IQCE: variants seen among roughly 807,000 people sequenced by gnomAD.
IQCE encodes the protein IQ domain-containing protein E.
In IQCE, 115 loss-of-function variants were observed where a neutral mutation model predicts 96.0. The observed-to-expected ratio is 1.20, with a 90% CI of 1.03 to 1.40. The LOEUF (loss-of-function observed/expected upper bound fraction) is 1.40, where lower values mean the gene tolerates loss of function less well. IQCE is among the 40% of genes most tolerant of loss of function. The pLI, the probability that IQCE is intolerant of heterozygous loss-of-function variation, is 0.00. For missense variants in IQCE, 1,041 were observed against 909.1 expected (o/e 1.15, Z -1.87); for synonymous variants, 412 against 371.2 (o/e 1.11, Z -1.26).
intron 6 of IQCE, 58 bp downstream of exon 6, chr7:2,573,546 G>A: frequency 1.1e-6 from 1 of 943,612 alleles, no homozygotes; most frequent in African/African-American, 1.6e-5. Flanking sequence ...CTATAACAAT[G>A]TATTAGAACA....
intron 18 of IQCE, 63 bp from the exon 19 acceptor site, chr7:2,604,818 C>G: frequency 8.3e-7 from 1 of 1,211,160 alleles, no homozygotes. Context: ...GCGCCTCCCT[C>G]TCGCCCGCCG....
Position 2,578,147 on chromosome 7 carries a change from G to A in IQCE, c.466-95G>A, listed in dbSNP as rs558447177. The A allele has an allele frequency of 2.2e-5, 20 of 918,968 alleles. No homozygotes were observed. In the South Asian group the frequency reaches 2.3e-4, roughly 11 times the overall value. 56.9% of individuals were successfully genotyped at this position (918,968 alleles called of 1,614,324 possible). On this transcript the variant is annotated intron_variant, in intron 6 of 21. Transcript: ENST00000402050. ...GTGGGGACGTGTGTGCGGCGTGCCC[G>A]CATTGGCGTGTGCGTGGCTGTGTGC...
intron 3 of IQCE, 102 bp downstream of exon 3, chr7:2,569,101 G>C: frequency 2.6e-6 from 3 of 1,132,134 alleles, no homozygotes; most frequent in South Asian, 2.6e-5. Context: ...GCTGAGACCT[G>C]ACGCCTCAGC....
intron 20 of IQCE, 149 bp downstream of exon 20, chr7:2,606,146 T>A: frequency 9.9e-7 from 1 of 1,013,976 alleles, no homozygotes; most frequent in Non-Finnish European, 1.4e-6. Context: ...GGAGCCAGAG[T>A]AAAGGCTTCA....
chr7:2,585,364 C>T (rs1783015333), intron 11 of IQCE, among the ~76,000 whole-genome samples: 1 of 152,206 alleles, frequency 6.6e-6, no homozygotes, highest in Admixed American at 6.5e-5. Context: ...ATCAGCTAGT[C>T]AATGTATAAC....
chr7:2,566,902 G>A (rs1034050908), intron 1 of IQCE, among the ~76,000 whole-genome samples: 15 of 152,224 alleles, frequency 9.9e-5, no homozygotes, highest in Admixed American at 2.0e-4. Context: ...GCTGGGCGGC[G>A]TTTTGTGTTT....
intron 1 of IQCE, among the ~76,000 whole-genome samples, chr7:2,560,101 A>G (rs1298168061): frequency 1.3e-5 from 2 of 152,168 alleles, no homozygotes; most frequent in South Asian, 2.1e-4. Flanking sequence ...TGGAAGCTAC[A>G]GTGAACTGTG....
intron 16 of IQCE, 97 bp from the exon 17 acceptor site, chr7:2,598,368 C>T (rs1784202652): frequency 1.6e-6 from 2 of 1,240,778 alleles, no homozygotes; most frequent in Admixed American, 4.9e-5. Context: ...CTGATAAGCG[C>T]AGCCGCACCA....
intron 1 of IQCE, among the ~76,000 whole-genome samples, chr7:2,563,996 T>C (rs1259719542): frequency 1.3e-5 from 2 of 148,524 alleles, no homozygotes; most frequent in African/African-American, 5.0e-5. Context: ...GATCATGAGG[T>C]CAGGAGTTCA....
intron 1 of IQCE, among the ~76,000 whole-genome samples, chr7:2,560,703 A>G (rs1397704898): frequency 6.6e-6 from 1 of 151,972 alleles, no homozygotes. Flanking sequence ...CATGCCTGTA[A>G]TCCCAGCACT....
chr7:2,571,448 T>C (rs1204497969), intron 3 of IQCE, 78 bp from the exon 4 acceptor site: 1 of 1,574,322 alleles, frequency 6.4e-7, no homozygotes, highest in Non-Finnish European at 8.6e-7. Flanking sequence ...TTTTCCTATT[T>C]CTGTCTTTCT....
chr7:2,584,023 C>T (rs1476730752), intron 10 of IQCE, among the ~76,000 whole-genome samples: 2 of 151,468 alleles, frequency 1.3e-5, no homozygotes, highest in Non-Finnish European at 2.9e-5. Flanking sequence ...AGGGGACCGG[C>T]GCTGGCCCCG....
intron 6 of IQCE, among the ~76,000 whole-genome samples, chr7:2,574,800 G>A (rs545472709): frequency 5.3e-5 from 8 of 152,242 alleles, no homozygotes; most frequent in South Asian, 4.1e-4. Flanking sequence ...CGTGAAGATC[G>A]GGTAGCTTCA....
chr7:2,579,700 G>GGT (rs68086038), intron 8 of IQCE, among the ~76,000 whole-genome samples: 1,770 of 133,054 alleles, frequency 0.013, 19 homozygotes, highest in East Asian at 0.045. Context: ...TTGTTCTGGT[G>GGT]GTGTGTGTGT....
Position 2,605,003 on chromosome 7 carries a change from G to A in IQCE, c.1743+12G>A, listed in dbSNP as rs912642247. ...GCCTCCCAGACCAGGTAATGTCGGG[G>A]TGCTGGACGTCCCAGTGGCCATCTG... is the stretch of plus-strand genomic sequence containing the variant. On this transcript the variant is annotated intron_variant, in intron 19 of 21. Transcript: ENST00000402050. The A allele has an allele frequency of 1.9e-6, 3 of 1,581,722 alleles. No individual in the cohort carries two copies. The highest frequency in any genetic ancestry group is 2.6e-6 in the Non-Finnish European group (3 of 1,151,686).
intron 18 of IQCE, among the ~76,000 whole-genome samples, chr7:2,602,799 C>T (rs1434539275): frequency 1.3e-5 from 2 of 152,270 alleles, no homozygotes; most frequent in Non-Finnish European, 2.9e-5. Context: ...TCATACTCTG[C>T]AGTCAGGACA....
intron 1 of IQCE, among the ~76,000 whole-genome samples, chr7:2,561,513 C>T (rs1005540168): frequency 6.6e-6 from 1 of 151,722 alleles, no homozygotes; most frequent in Non-Finnish European, 1.5e-5. Context: ...CTCCGCCTCC[C>T]GGGTTCATAG....
chr7:2,575,443 C>T (rs1021352013), intron 6 of IQCE, among the ~76,000 whole-genome samples: 2 of 152,256 alleles, frequency 1.3e-5, no homozygotes, highest in South Asian at 2.1e-4. Context: ...GCCACCTGTA[C>T]TGCTCCTGCT....
intron 20 of IQCE, 55 bp from the exon 21 acceptor site, chr7:2,607,069 A>G: frequency 6.9e-7 from 1 of 1,443,550 alleles, no homozygotes; most frequent in Admixed American, 2.3e-5. Context: ...TAAACCTCAG[A>G]GAGGTTTGTA....
Sources: allele counts gnomAD v4.1 joint callset (sites outside exome capture counted in the v4.1 genomes callset), GRCh38; gene constraint gnomAD v4.1.1; transcripts MANE v1.5; gene names NCBI Gene and HGNC (gene_info 2026-07-23, HGNC 2026-07-21).